The following ESYT3 variants were observed in gnomAD, a reference collection of about 807,000 sequenced individuals.
The protein encoded by ESYT3 is extended synaptotagmin 3.
Under a neutral mutation model 111.5 loss-of-function variants are expected in ESYT3, and 101 were observed. The ratio of observed to expected loss-of-function variants is 0.91; its 90% CI spans 0.77 to 1.07. The LOEUF (loss-of-function observed/expected upper bound fraction) is 1.07. Ranked by LOEUF, ESYT3 falls within the 50% of genes least tolerant of loss-of-function variation. The pLI is 0.00. For missense variants in ESYT3, 1,097 were observed against 1,109.4 expected (o/e 0.99, Z 0.16); for synonymous variants, 416 against 446.8 (o/e 0.93, Z 0.87).
chr3:138,471,619 C>G (rs1424180716), intron 17 of ESYT3, among the ~76,000 whole-genome samples: 1 of 152,118 alleles, frequency 6.6e-6, no homozygotes, highest in Non-Finnish European at 1.5e-5. Flanking sequence ...TCTGTTGATG[C>G]TTTTTGATGG....
intron 11 of ESYT3, 141 bp downstream of exon 11, chr3:138,467,750 G>A: frequency 1.3e-6 from 1 of 770,824 alleles, no homozygotes; most frequent in South Asian, 1.7e-5. Flanking sequence ...GCAAGAGCTG[G>A]GTGAGGCACA....
downstream of ESYT3, chr3:138,480,320 C>T (rs2033664912): frequency 6.6e-6 from 1 of 152,162 alleles, no homozygotes; most frequent in African/African-American, 2.4e-5. Flanking sequence ...ATTTAGATTT[C>T]TGTTTATATT....
Position 138,459,305 on chromosome 3 carries a change from C to G in ESYT3, c.648+52C>G, listed in dbSNP as rs556194356. On this transcript the variant is annotated intron_variant, in intron 5 of 22. Transcript: ENST00000389567. ...CTGTTCCAGCCCCCAGGGTGGGGAT[C>G]AGGGAAGGGGAAGCCAGGTCATGCC... 1.6e-5 allele frequency: 23 copies of G among 1,449,562 alleles called. No homozygotes were observed. In the Admixed American group the frequency reaches 4.0e-4, roughly 25 times the overall value. 89.8% of individuals were successfully genotyped at this position (1,449,562 alleles called of 1,614,324 possible).
chr3:138,455,437 C>T, intron 3 of ESYT3, 109 bp downstream of exon 3: 2 of 1,260,886 alleles, frequency 1.6e-6, no homozygotes, highest in Non-Finnish European at 1.1e-6. Flanking sequence ...TGCAGAGATC[C>T]CACTGGACCT....
At chr3:138,473,047 G>A (rs2033313470) in intron 18 of ESYT3, 188 bp downstream of exon 18, 29 of 1,443,764 alleles carry the variant, frequency 2.0e-5, no homozygotes, top group Non-Finnish European at 2.5e-5. Flanking sequence ...GGCTGTTTAT[G>A]GCTCTAGCTG....
chr3:138,474,138 C>A, intron 19 of ESYT3, 83 bp from the exon 20 acceptor site: 1 of 1,549,276 alleles, frequency 6.5e-7, no homozygotes, highest in South Asian at 1.2e-5. Flanking sequence ...TTGAAACTCT[C>A]AAACACTGAA....
intron 9 of ESYT3, among the ~76,000 whole-genome samples, chr3:138,464,885 G>C (rs2032845328): frequency 6.6e-6 from 1 of 152,216 alleles, no homozygotes; most frequent in South Asian, 2.1e-4. Context: ...CCCACAGCCT[G>C]TTAAGCCCCC....
chr3:138,449,087 T>TTC (rs1553812379), intron 1 of ESYT3, among the ~76,000 whole-genome samples: 5 of 142,540 alleles, frequency 3.5e-5, no homozygotes, highest in African/African-American at 1.4e-4. Flanking sequence ...TTTTTCTTTT[T>TTC]TTTTTTTTTT....
At chr3:138,465,925 C>T (rs967791085) in intron 10 of ESYT3, among the ~76,000 whole-genome samples, 2 of 152,194 alleles carry the variant, frequency 1.3e-5, no homozygotes, top group Non-Finnish European at 2.9e-5. Context: ...GCCCTAGTAT[C>T]TGAAATGTTT....
At position 138,478,087 on chromosome 3, in the gene ESYT3, C is replaced by G. The variant is rs1416490693; in HGVS notation, c.*1233C>G. On this transcript the variant is annotated 3_prime_UTR_variant, in exon 23 of 23. Coordinates refer to ENST00000389567, the MANE Select transcript of ESYT3 (RefSeq NM_031913.5). ...CAGTCAATCCATAGTGAAATGGACTCTTCCTACCGCCTGTAGCATTTACTG... is the reference window on the plus strand; with the variant it reads ...CAGTCAATCCATAGTGAAATGGACTGTTCCTACCGCCTGTAGCATTTACTG... 6.6e-6 allele frequency: 1 copy of G among 152,194 alleles called. No homozygotes were observed. The highest frequency in any genetic ancestry group is 1.5e-5 in the Non-Finnish European group (1 of 68,042). 9.4% of individuals were successfully genotyped at this position (152,194 alleles called of 1,614,324 possible).
chr3:138,474,078 TA>T, intron 19 of ESYT3, 142 bp from the exon 20 acceptor site: 2 of 1,065,656 alleles, frequency 1.9e-6, no homozygotes, highest in Non-Finnish European at 2.7e-6. Flanking sequence ...TCCTTAAGCG[TA>T]TCTAATGCTG....
downstream of ESYT3, chr3:138,481,431 A>T (rs1358834000): frequency 6.6e-6 from 1 of 151,972 alleles, no homozygotes; most frequent in Non-Finnish European, 1.5e-5. Context: ...CAGTGGCATG[A>T]TCTCAGCTCA....
chr3:138,476,583 G>A, intron 22 of ESYT3, 91 bp downstream of exon 22: 1 of 1,321,794 alleles, frequency 7.6e-7, no homozygotes, highest in Non-Finnish European at 1.1e-6. Flanking sequence ...TGGTTATCAA[G>A]AAGGGAGGGA....
chr3:138,435,272 G>T lies in ESYT3; in HGVS notation c.327+147G>T. 2.5e-6 allele frequency: 2 copies of T among 805,944 alleles called. No individual in the cohort carries two copies. Among genetic ancestry groups the T allele is most frequent in the Non-Finnish European group, 3.8e-6 (2 of 528,342 alleles). 49.9% of individuals were successfully genotyped at this position (805,944 alleles called of 1,614,324 possible). On this transcript the variant is annotated intron_variant, in intron 1 of 22. Transcript: ENST00000389567. The surrounding 1 kb of genome is among the most constrained non-coding windows in gnomAD (Gnocchi z 4.8). ...ACACCCCGTTCCCCACCGCTCCCGGGGCGCAGACCCTGGGGACGGTGACCG... is the reference window on the plus strand; with the variant it reads ...ACACCCCGTTCCCCACCGCTCCCGGTGCGCAGACCCTGGGGACGGTGACCG...
intron 1 of ESYT3, among the ~76,000 whole-genome samples, 186 bp from the exon 2 acceptor site, chr3:138,451,862 C>G (rs2031951556): frequency 6.8e-6 from 1 of 147,630 alleles, no homozygotes; most frequent in African/African-American, 2.7e-5. Context: ...AGGACCAGTT[C>G]CGAGTTGCCA....
chr3:138,452,166 C>T, intron 2 of ESYT3, 77 bp downstream of exon 2: 1 of 1,407,290 alleles, frequency 7.1e-7, no homozygotes, highest in South Asian at 1.2e-5. Flanking sequence ...CCCCCACAGC[C>T]TGATGGGGGC....
intron 16 of ESYT3, 109 bp from the exon 17 acceptor site, chr3:138,470,768 A>C: frequency 4.5e-6 from 7 of 1,554,512 alleles, no homozygotes; most frequent in Non-Finnish European, 5.2e-6. Flanking sequence ...ATGCCCATAG[A>C]AGCACAGTAC....
intron 16 of ESYT3, chr3:138,470,656 A>T: frequency 7.3e-7 from 1 of 1,360,904 alleles, no homozygotes; most frequent in Non-Finnish European, 9.5e-7. Flanking sequence ...AGACTAGCTC[A>T]TACAGATCAT....
chr3:138,461,148 C>T (rs982385290), intron 7 of ESYT3, among the ~76,000 whole-genome samples: 3 of 152,196 alleles, frequency 2.0e-5, no homozygotes, highest in Admixed American at 6.5e-5. Context: ...TTGGGTCCCT[C>T]GGAGGACACT....
Sources: allele counts gnomAD v4.1 joint callset (sites outside exome capture counted in the v4.1 genomes callset), GRCh38; gene constraint gnomAD v4.1.1; non-coding constraint Gnocchi (gnomAD v3.1); transcripts MANE v1.5; gene names NCBI Gene and HGNC (gene_info 2026-07-23, HGNC 2026-07-21).